CD99L2: variants seen among roughly 807,000 people sequenced by gnomAD.
CD99L2 encodes CD99 antigen-like protein 2.
A neutral mutation model predicts 27.3 loss-of-function variants in CD99L2; 24 were observed. The observed-to-expected ratio is 0.88, with a 90% CI of 0.64 to 1.24. The LOEUF (loss-of-function observed/expected upper bound fraction) is 1.24. CD99L2 is among the 50% of genes most tolerant of loss of function. The probability of loss-of-function intolerance (pLI) is 0.00; values close to 1 mark genes in which losing one functional copy is unlikely to be tolerated. For synonymous variants in CD99L2, 97 were observed against 87.9 expected (o/e 1.10, Z -0.58); for missense variants, 255 against 221.6 (o/e 1.15, Z -0.96).
chrX:150,832,480 C>T (rs1400838668), intron 1 of CD99L2, among the ~76,000 whole-genome samples: 1 of 111,480 alleles, frequency 9.0e-6, no homozygotes, highest in Non-Finnish European at 1.9e-5. Context: ...CAAAAATTAG[C>T]TGGGTGTGGT....
intron 1 of CD99L2, among the ~76,000 whole-genome samples, chrX:150,884,980 G>T (rs896200502): frequency 8.9e-6 from 1 of 112,225 alleles, no homozygotes; most frequent in Non-Finnish European, 1.9e-5. Context: ...ACAACAGATC[G>T]ACAATAATGT....
At chrX:150,803,664 T>A (rs1018274929) in intron 4 of CD99L2, among the ~76,000 whole-genome samples, 2 of 112,037 alleles carry the variant, frequency 1.8e-5, no homozygotes, top group Non-Finnish European at 3.8e-5. Context: ...AAAAGCAATT[T>A]GATAAAGCAT....
intron 2 of CD99L2, among the ~76,000 whole-genome samples, chrX:150,824,350 AGAAG>A (rs2046308329): frequency 1.1e-5 from 1 of 93,344 alleles, no homozygotes; most frequent in Admixed American, 1.2e-4. Context: ...GAAAGAAGGA[AGAAG>A]GAAGAAGGAA....
intron 1 of CD99L2, among the ~76,000 whole-genome samples, chrX:150,848,251 G>A (rs947104513): frequency 9.0e-5 from 10 of 110,797 alleles, no homozygotes; most frequent in Non-Finnish European, 1.9e-4. Flanking sequence ...TAACAATATG[G>A]GTGAACCTTG....
Position 150,824,653 on chromosome X carries a change from A to AGAAGAAGAG in CD99L2, c.130+6577_130+6578insCTCTTCTTC, listed in dbSNP as rs1488150136. ...GAGAAGAAGGAGGAGAAGAAGAAGA[A>AGAAGAAGAG]GAAGAAGAAGAAGAGGAAGAGGAAG... On this transcript the variant is annotated intron_variant, in intron 2 of 10. Transcript: ENST00000370377. Among the ~76,000 whole-genome samples, 645 of 91,352 alleles carry AGAAGAAGAG rather than the reference A, an allele frequency of 7.1e-3. 11 individuals carry two copies. The highest frequency in any genetic ancestry group is 7.3e-3 in the Admixed American group (58 of 7,950). The allele number at this position is 91,352 out of a possible 115,157, so 79.3% of individuals were successfully genotyped here.
chrX:150,824,380 G>A (rs868911915), intron 2 of CD99L2, among the ~76,000 whole-genome samples: 1 of 77,895 alleles, frequency 1.3e-5, no homozygotes, highest in African/African-American at 4.9e-5. Context: ...AGAAGAAGAA[G>A]AAAGAAGAAG....
At chrX:150,786,823 C>T (rs1479479450) in intron 7 of CD99L2, among the ~76,000 whole-genome samples, 1 of 112,344 alleles carries the variant, frequency 8.9e-6, no homozygotes, top group East Asian at 2.8e-4. Context: ...AACTAATTTA[C>T]ATTCCCATCA....
intron 1 of CD99L2, among the ~76,000 whole-genome samples, chrX:150,881,418 G>A (rs2047323107): frequency 8.9e-6 from 1 of 111,999 alleles, no homozygotes; most frequent in Admixed American, 9.4e-5. Context: ...GCCAGAGCCA[G>A]CAATACCTGT....
chrX:150,880,078 T>C (rs2047303678), intron 1 of CD99L2, among the ~76,000 whole-genome samples: 1 of 111,373 alleles, frequency 9.0e-6, no homozygotes, highest in Non-Finnish European at 1.9e-5. Flanking sequence ...GGCAAGGACA[T>C]AGAGAAACTG....
intron 4 of CD99L2, among the ~76,000 whole-genome samples, chrX:150,807,196 T>A (rs1557420268): frequency 9.0e-6 from 1 of 111,124 alleles, no homozygotes. Context: ...CTAGATTTTT[T>A]AATCTAATCT....
At chrX:150,889,292 G>C (rs1237683081) in intron 1 of CD99L2, among the ~76,000 whole-genome samples, 5 of 112,422 alleles carry the variant, frequency 4.4e-5, no homozygotes, top group African/African-American at 1.6e-4. Context: ...GCCACTGACC[G>C]GTATGAGCTT....
intron 1 of CD99L2, among the ~76,000 whole-genome samples, chrX:150,855,099 T>C (rs2046853168): frequency 8.9e-6 from 1 of 112,179 alleles, no homozygotes; most frequent in African/African-American, 3.2e-5. Flanking sequence ...CAATCACTAC[T>C]GACTGGTGCA....
intron 4 of CD99L2, among the ~76,000 whole-genome samples, chrX:150,799,430 G>A (rs1557420025): frequency 9.2e-6 from 1 of 108,595 alleles, no homozygotes; most frequent in South Asian, 4.1e-4. Flanking sequence ...TAGGAGGACT[G>A]CTTGAGCCCG....
intron 1 of CD99L2, among the ~76,000 whole-genome samples, chrX:150,880,566 C>T (rs182790862): frequency 1.1e-4 from 12 of 111,328 alleles, no homozygotes; most frequent in African/African-American, 3.9e-4. Context: ...ATGGGAGGGG[C>T]TGGTAAGGGG....
At chrX:150,777,585 C>G (rs782384789) in intron 7 of CD99L2, 103 bp from the exon 8 acceptor site, 21 of 864,627 alleles carry the variant, frequency 2.4e-5, no homozygotes, top group Non-Finnish European at 3.3e-5. Flanking sequence ...CCAATCCCAC[C>G]TATGCGACAA....
intron 1 of CD99L2, 57 bp downstream of exon 1, chrX:150,898,465 C>G (rs1258930697): frequency 4.0e-6 from 4 of 1,002,298 alleles, no homozygotes; most frequent in Non-Finnish European, 5.2e-6. Flanking sequence ...AGAGCGACCC[C>G]TGGGCCCACA....
In CD99L2 at chrX:150,869,027, A is replaced by T. The variant is rs147867604; in HGVS notation, c.67+29495T>A. Among the ~76,000 whole-genome samples the T allele has an allele frequency of 5.1e-3, 569 of 112,506 alleles. 7 individuals carry two copies. The highest frequency in any genetic ancestry group is 0.014 in the Middle Eastern group (3 of 219). ...CTCTCATGGTCAAGGCAAGTGAATG[A>T]GACTTTCCTGGATAATAAGTTTAGT... On this transcript the variant is annotated intron_variant, in intron 1 of 10. Coordinates refer to ENST00000370377, the MANE Select transcript of CD99L2 (RefSeq NM_031462.4).
rs782233020 is a variant in CD99L2 at position 150,766,897 on chromosome X, C to G, written c.*2137G>C. ...CACCGGTGGGCTTGAGTGCCAGGCT[C>G]TAGGCTTTGTGCAGAAAGCACCCGG... On this transcript the variant is annotated 3_prime_UTR_variant, in exon 11 of 11. Coordinates refer to ENST00000370377, the MANE Select transcript of CD99L2 (RefSeq NM_031462.4). 1 of 112,029 alleles carries G rather than the reference C, an allele frequency of 8.9e-6. No individual in the cohort carries two copies. Among genetic ancestry groups the G allele is most frequent in the Admixed American group, 9.4e-5 (1 of 10,613 alleles). 9.2% of individuals were successfully genotyped at this position (112,029 alleles called of 1,213,427 possible).
chrX:150,824,360 AG>A lies in CD99L2; in HGVS notation c.130+6870del, dbSNP rs201427623. 7.2e-4 allele frequency among the ~76,000 whole-genome samples: 63 copies of A among 88,101 alleles called. 2 individuals are homozygous for A. Among genetic ancestry groups the A allele is most frequent in the African/African-American group, 2.2e-3 (48 of 21,367 alleles). The allele number at this position is 88,101 out of a possible 115,157, so 76.5% of individuals were successfully genotyped here. On this transcript the variant is annotated intron_variant, in intron 2 of 10. Coordinates refer to ENST00000370377, the MANE Select transcript of CD99L2 (RefSeq NM_031462.4). The stretch of plus-strand genomic sequence containing the variant: ...AAGAAGAAAGAAGGAAGAAGGAAGA[AG>A]GAAGAAGAAGAAGAAGAAGAAAGAA...
Sources: allele counts gnomAD v4.1 joint callset (sites outside exome capture counted in the v4.1 genomes callset), GRCh38; gene constraint gnomAD v4.1.1; transcripts MANE v1.5; gene names NCBI Gene and HGNC (gene_info 2026-07-23, HGNC 2026-07-21).